The following DLGAP1 variants were observed in gnomAD, a reference collection of about 807,000 sequenced individuals.
DLGAP1 encodes DLG associated protein 1.
DLGAP1 carries 11 observed loss-of-function variants against 90.8 expected under a neutral mutation model. That is an observed-to-expected ratio of 0.12 (90% CI 0.08 to 0.20). DLGAP1 has a LOEUF of 0.20. Ranked by LOEUF, DLGAP1 falls within the 10% of genes least tolerant of loss-of-function variation. The pLI, the probability that DLGAP1 is intolerant of heterozygous loss-of-function variation, is 1.00. For synonymous variants in DLGAP1, 558 were observed against 540.7 expected, an observed-to-expected ratio of 1.03 and a Z score of -0.44; for missense variants, 1,050 against 1,333.8, an observed-to-expected ratio of 0.79 and a Z score of 3.31.
At chr18:3,772,458 C>T (rs866921059) in intron 5 of DLGAP1, among the ~76,000 whole-genome samples, 101 of 83,804 alleles carry the variant, frequency 1.2e-3, no homozygotes, top group African/African-American at 4.2e-3. Flanking sequence ...CCCCACCCCC[C>T]TCTTTCTTTC....
chr18:3,847,443 C>T (rs937396637), intron 4 of DLGAP1, among the ~76,000 whole-genome samples: 1 of 151,420 alleles, frequency 6.6e-6, no homozygotes, highest in African/African-American at 2.4e-5. Flanking sequence ...TCCAAATCTG[C>T]AAGAGTAAGA....
chr18:3,903,153 G>C (rs1475649972), intron 3 of DLGAP1, among the ~76,000 whole-genome samples: 1 of 151,818 alleles, frequency 6.6e-6, no homozygotes, highest in African/African-American at 2.4e-5. Context: ...GTTACTGACT[G>C]AATTAAATAA....
chr18:3,615,597 T>C (rs1267069398), intron 7 of DLGAP1, among the ~76,000 whole-genome samples: 2 of 152,082 alleles, frequency 1.3e-5, no homozygotes, highest in African/African-American at 4.8e-5. Context: ...ATGGAGCCGA[T>C]GGAGATGGGG....
At chr18:4,364,086 A>T (rs2144130808) in intron 1 of DLGAP1, among the ~76,000 whole-genome samples, 1 of 152,014 alleles carries the variant, frequency 6.6e-6, no homozygotes, top group African/African-American at 2.4e-5. Context: ...ATAAAAAATG[A>T]TGAGTTCATG....
intron 1 of DLGAP1, among the ~76,000 whole-genome samples, chr18:4,322,046 A>C (rs1228065363): frequency 6.6e-6 from 1 of 152,032 alleles, no homozygotes; most frequent in Non-Finnish European, 1.5e-5. Context: ...CTAAAAATAC[A>C]AAATTTATCC....
intron 9 of DLGAP1, among the ~76,000 whole-genome samples, chr18:3,537,029 A>G (rs1177472334): frequency 7.5e-6 from 1 of 132,454 alleles, no homozygotes; most frequent in Non-Finnish European, 1.7e-5. Flanking sequence ...GATGCCCTGT[A>G]TGTCTTTTTT....
At chr18:3,627,787 A>G in intron 7 of DLGAP1, among the ~76,000 whole-genome samples, 1 of 151,712 alleles carries the variant, frequency 6.6e-6, no homozygotes, top group East Asian at 1.9e-4. Flanking sequence ...TAACCTCCCA[A>G]GTAGCTGGGA....
chr18:3,888,107 CAAAAAAAAAAA>C (rs1164887393), intron 3 of DLGAP1, among the ~76,000 whole-genome samples: 2 of 49,382 alleles, frequency 4.1e-5, no homozygotes, highest in Non-Finnish European at 3.7e-5. Context: ...GACTCCATCT[CAAAAAAAAAAA>C]AAAAAAAAAA....
At chr18:3,850,505 A>C (rs2069276953) in intron 4 of DLGAP1, among the ~76,000 whole-genome samples, 1 of 152,232 alleles carries the variant, frequency 6.6e-6, no homozygotes, top group African/African-American at 2.4e-5. Flanking sequence ...GACACACCTA[A>C]AAATATTAAG....
At chr18:4,295,434 A>G (rs1268105147) in intron 1 of DLGAP1, 1 of 152,244 alleles carries the variant, frequency 6.6e-6, no homozygotes. Flanking sequence ...AGTAGATATC[A>G]TGTCTTATTT....
chr18:3,707,869 C>T (rs2061485110), intron 7 of DLGAP1, among the ~76,000 whole-genome samples: 1 of 152,124 alleles, frequency 6.6e-6, no homozygotes, highest in East Asian at 1.9e-4. Flanking sequence ...CACTGGGTGA[C>T]TTGGTGCTTA....
chr18:3,554,748 C>T (rs1221010529), intron 9 of DLGAP1, among the ~76,000 whole-genome samples: 1 of 152,076 alleles, frequency 6.6e-6, no homozygotes, highest in Non-Finnish European at 1.5e-5. Context: ...CACTGAAAAC[C>T]ACACTAAATT....
intron 3 of DLGAP1, among the ~76,000 whole-genome samples, chr18:3,906,950 A>G (rs948919728): frequency 1.3e-5 from 2 of 152,378 alleles, no homozygotes; most frequent in Middle Eastern, 3.4e-3. Context: ...TAAAAAAACA[A>G]CAATACCGTA....
chr18:4,084,004 A>G lies in DLGAP1; in HGVS notation c.-159+67176T>C, dbSNP rs1391110190. Among the ~76,000 whole-genome samples the G allele has an allele frequency of 6.6e-6, 1 of 152,068 alleles. No homozygotes were observed. The highest frequency in any genetic ancestry group is 1.5e-5 in the Non-Finnish European group (1 of 68,004). ...ACACGGGGGCTTGGAGAATGAGTGC[A>G]AGGTTTTATTGAGTGGTGGAAGTAG... On this transcript the variant is annotated intron_variant, in intron 2 of 12. Transcript: ENST00000315677. The surrounding 1 kb of genome is among the most constrained non-coding windows in gnomAD (Gnocchi z 4.0).
chr18:4,069,341 T>G (rs2075413346), intron 2 of DLGAP1, among the ~76,000 whole-genome samples: 1 of 152,166 alleles, frequency 6.6e-6, no homozygotes, highest in Admixed American at 6.6e-5. Context: ...AATCATGCCT[T>G]GGGGATTGAT....
intron 4 of DLGAP1, among the ~76,000 whole-genome samples, chr18:3,837,206 T>C (rs1053924419): frequency 2.6e-5 from 4 of 152,200 alleles, no homozygotes; most frequent in South Asian, 4.1e-4. Context: ...TCCAAGCATA[T>C]GTTATTTTCT....
intron 1 of DLGAP1, among the ~76,000 whole-genome samples, chr18:4,412,639 TA>T (rs1465760443): frequency 1.3e-5 from 2 of 152,122 alleles, no homozygotes; most frequent in African/African-American, 4.8e-5. Context: ...AACCACCTGT[TA>T]TATAGGATTT....
chr18:4,320,812 C>T (rs1026092052), intron 1 of DLGAP1, among the ~76,000 whole-genome samples: 6 of 151,962 alleles, frequency 3.9e-5, no homozygotes, highest in African/African-American at 1.2e-4. Context: ...GAATACTTCA[C>T]AATTCTGAGA....
At chr18:4,180,009 A>G (rs2077179815) in intron 1 of DLGAP1, among the ~76,000 whole-genome samples, 1 of 152,140 alleles carries the variant, frequency 6.6e-6, no homozygotes, top group Admixed American at 6.5e-5. Flanking sequence ...ATTCTGAGCT[A>G]AGGAATTTGG....
Sources: gnomAD v4.1 joint callset for allele counts (sites outside exome capture counted in the v4.1 genomes callset) on GRCh38, gnomAD v4.1.1 for gene constraint, Gnocchi (gnomAD v3.1) non-coding constraint, MANE v1.5 for transcripts, NCBI Gene and HGNC (gene_info 2026-07-23, HGNC 2026-07-21) for gene names.